Variants in KATNBL1 observed in about 807,000 individuals in gnomAD.
KATNBL1 encodes KATNB1-like protein 1.
A neutral mutation model predicts 44.7 loss-of-function variants in KATNBL1; 28 were observed. That is an observed-to-expected ratio of 0.63 (90% confidence interval 0.46 to 0.86). The LOEUF (loss-of-function observed/expected upper bound fraction) is 0.86, where lower values mean the gene tolerates loss of function less well. Ranked by LOEUF, KATNBL1 falls within the 40% of genes least tolerant of loss-of-function variation. The pLI is 0.00. For synonymous variants in KATNBL1, 78 were observed against 114.9 expected (o/e 0.68, Z 2.06); for missense variants, 272 against 350.7 (o/e 0.78, Z 1.79).
At chr15:34,205,748 C>A (rs764855080) in intron 1 of KATNBL1, among the ~76,000 whole-genome samples, 2 of 152,164 alleles carry the variant, frequency 1.3e-5, no homozygotes, top group African/African-American at 4.8e-5. Flanking sequence ...TTTCTTCACT[C>A]GTTCAACAAA....
intron 2 of KATNBL1, among the ~76,000 whole-genome samples, chr15:34,163,141 TC>T (rs1888859617): frequency 6.6e-6 from 1 of 151,920 alleles, no homozygotes; most frequent in African/African-American, 2.4e-5. Context: ...CCGCCCGGGT[TC>T]AAGTGATTCT....
chr15:34,171,156 G>C (rs546492552), intron 1 of KATNBL1, among the ~76,000 whole-genome samples: 1 of 152,150 alleles, frequency 6.6e-6, no homozygotes, highest in African/African-American at 2.4e-5. Context: ...GCAGCCTATA[G>C]AACGGGAGAA....
At chr15:34,171,143 C>G (rs1889145902) in intron 1 of KATNBL1, among the ~76,000 whole-genome samples, 1 of 152,152 alleles carries the variant, frequency 6.6e-6, no homozygotes, top group African/African-American at 2.4e-5. Flanking sequence ...TCAGAGTGAA[C>G]AGGCAGCCTA....
At chr15:34,203,053 A>G (rs995417795) in intron 1 of KATNBL1, among the ~76,000 whole-genome samples, 3 of 152,164 alleles carry the variant, frequency 2.0e-5, no homozygotes, top group Non-Finnish European at 2.9e-5. Flanking sequence ...TCTGGATTCA[A>G]ATCTCCAACT....
chr15:34,188,647 C>T (rs1036917935), intron 1 of KATNBL1, among the ~76,000 whole-genome samples: 3 of 152,192 alleles, frequency 2.0e-5, no homozygotes, highest in Non-Finnish European at 2.9e-5. Flanking sequence ...AAAATTATTT[C>T]AGTTCTCCAT....
At chr15:34,176,300 C>A (rs1042514570) in intron 1 of KATNBL1, among the ~76,000 whole-genome samples, 1 of 151,852 alleles carries the variant, frequency 6.6e-6, no homozygotes, top group Non-Finnish European at 1.5e-5. Flanking sequence ...ATTACTTGAA[C>A]CCGGGAGGCG....
At chr15:34,178,511 A>T (rs897534640) in intron 1 of KATNBL1, among the ~76,000 whole-genome samples, 3 of 152,156 alleles carry the variant, frequency 2.0e-5, no homozygotes, top group Non-Finnish European at 4.4e-5. Flanking sequence ...TAATCTCAGC[A>T]CTTTGGGAGG....
Position 34,161,757 on chromosome 15 carries a change from G to A in KATNBL1, c.117+1803C>T, listed in dbSNP as rs147058226. ...CGGGAAGGATGGTTACAGAGCAGGT[G>A]ACTAAGATGACTGAGGACAGAGCAG... On this transcript the variant is annotated intron_variant, in intron 2 of 9. Transcript: ENST00000256544. 5.3e-4 allele frequency among the ~76,000 whole-genome samples: 80 copies of A among 152,268 alleles called. 1 individual carries two copies. The highest frequency in any genetic ancestry group is 1.8e-3 in the African/African-American group (75 of 41,528).
At chr15:34,192,382 C>T (rs958759065) in intron 1 of KATNBL1, among the ~76,000 whole-genome samples, 25 of 143,120 alleles carry the variant, frequency 1.7e-4, no homozygotes, top group African/African-American at 5.4e-4. Flanking sequence ...CAAGCCTGGG[C>T]GACAGAGTGA....
intron 1 of KATNBL1, among the ~76,000 whole-genome samples, chr15:34,193,945 G>GT (rs1276356174): frequency 4.1e-5 from 6 of 146,084 alleles, no homozygotes; most frequent in African/African-American, 1.5e-4. Context: ...TTTCTTTGTC[G>GT]TTTTTTATTT....
intron 1 of KATNBL1, among the ~76,000 whole-genome samples, chr15:34,203,880 G>A (rs970157790): frequency 6.6e-6 from 1 of 151,992 alleles, no homozygotes; most frequent in African/African-American, 2.4e-5. Context: ...GGCCCTGTTG[G>A]GGGGTGGGGG....
intron 1 of KATNBL1, among the ~76,000 whole-genome samples, chr15:34,184,329 T>C (rs1340545533): frequency 7.7e-6 from 1 of 129,288 alleles, no homozygotes; most frequent in Non-Finnish European, 1.6e-5. Flanking sequence ...TAGCTGGGCG[T>C]GGTGGTGCGC....
intron 1 of KATNBL1, among the ~76,000 whole-genome samples, chr15:34,184,479 C>T (rs1889660337): frequency 1.4e-5 from 2 of 145,918 alleles, no homozygotes; most frequent in African/African-American, 5.1e-5. Context: ...GAGTGAGATT[C>T]CATCTCAAAA....
intron 1 of KATNBL1, among the ~76,000 whole-genome samples, chr15:34,172,602 T>C (rs1283526401): frequency 6.6e-6 from 1 of 152,190 alleles, no homozygotes; most frequent in Non-Finnish European, 1.5e-5. Context: ...AAAGTTTACA[T>C]ACTAAATGTT....
At position 34,147,448 on chromosome 15, in the gene KATNBL1, A is replaced by G. The variant is rs1159391367; in HGVS notation, c.558-18T>C. 3 of 1,602,976 alleles carry G rather than the reference A, an allele frequency of 1.9e-6. No individual in the cohort carries two copies. Among genetic ancestry groups the G allele is most frequent in the Middle Eastern group, 1.7e-4 (1 of 6,052 alleles). ...CTTCTATCCTGAGAGTATAAAAAGA[A>G]TAGCATTGCCTTAGAGAGCTGATTT... On this transcript the variant is annotated intron_variant, in intron 5 of 9. Transcript: ENST00000256544.
At position 34,142,384 on chromosome 15, in the gene KATNBL1, A is replaced by C. The variant is rs549961739; in HGVS notation, c.883-13T>G. 1.3e-6 allele frequency: 2 copies of C among 1,579,582 alleles called. No individual in the cohort carries two copies. Among genetic ancestry groups the C allele is most frequent in the East Asian group, 2.3e-5 (1 of 44,422 alleles). On this transcript the variant is annotated splice_polypyrimidine_tract_variant and intron_variant, in intron 9 of 9. Coordinates refer to ENST00000256544, the MANE Select transcript of KATNBL1 (RefSeq NM_024713.3). Reference sequence around the variant, plus strand: ...AAGCATCTACATCCTTAGAAGATAAAACAAAAACATTTCATTAGACAGTAC... The same window carrying C: ...AAGCATCTACATCCTTAGAAGATAACACAAAAACATTTCATTAGACAGTAC...
intron 5 of KATNBL1, 164 bp downstream of exon 5, chr15:34,148,468 C>CT (rs760447482): frequency 1.2e-5 from 6 of 515,788 alleles, no homozygotes; most frequent in Non-Finnish European, 2.1e-5. Flanking sequence ...TGCACCTGTA[C>CT]TCTCAGCTAC....
At chr15:34,157,258 G>A (rs960551869) in intron 2 of KATNBL1, among the ~76,000 whole-genome samples, 1 of 152,210 alleles carries the variant, frequency 6.6e-6, no homozygotes, top group African/African-American at 2.4e-5. Flanking sequence ...CTTTAGCTTG[G>A]TTAGAGTAAG....
chr15:34,145,252 C>T, intron 9 of KATNBL1, 146 bp downstream of exon 9: 1 of 1,414,646 alleles, frequency 7.1e-7, no homozygotes. Flanking sequence ...ACGCAGAGGA[C>T]CTGAAGCATT....
Sources: gnomAD v4.1 joint callset for allele counts (sites outside exome capture counted in the v4.1 genomes callset) on GRCh38, gnomAD v4.1.1 for gene constraint, MANE v1.5 for transcripts, NCBI Gene and HGNC (gene_info 2026-07-23, HGNC 2026-07-21) for gene names.